RGS6: variants seen among roughly 807,000 people sequenced by gnomAD.
RGS6 encodes regulator of G protein signaling 6.
A neutral mutation model predicts 78.5 loss-of-function variants in RGS6; 30 were observed. The observed-to-expected ratio is 0.38, with a 90% CI of 0.29 to 0.52. The LOEUF (loss-of-function observed/expected upper bound fraction) is 0.52. Among genes scored for constraint, RGS6 ranks in the 20% least tolerant of loss-of-function variants. The pLI is 0.85. For missense variants in RGS6, 495 were observed against 609.7 expected, an observed-to-expected ratio of 0.81 and a Z score of 1.98; for synonymous variants, 206 against 206.0, an observed-to-expected ratio of 1.00 and a Z score of 0.00.
At chr14:71,876,254 C>T in the RGS6 span, among the ~76,000 whole-genome samples, 1 of 152,054 alleles carries the variant, frequency 6.6e-6, no homozygotes, top group African/African-American at 2.4e-5. Context: ...GTGTTAAAGT[C>T]TCCCATTATT....
intron 17 of RGS6, among the ~76,000 whole-genome samples, chr14:72,560,180 T>C (rs547647624): frequency 9.9e-4 from 150 of 152,202 alleles, no homozygotes; most frequent in African/African-American, 3.6e-3. Context: ...ACATATATAT[T>C]TGGGTACATA....
In RGS6 at chr14:71,942,493, A is replaced by G. The variant is rs530021916; in HGVS notation, c.-21+9552A>G. ...CTCATTAGAACTCTACCACCATTCT[A>G]TAAGATAGGTCCCAATTTTATGAAT... On this transcript the variant is annotated intron_variant, in intron 1 of 17. Transcript: ENST00000553525. Among the ~76,000 whole-genome samples the G allele has an allele frequency of 5.9e-5, 9 of 152,232 alleles. No individual in the cohort carries two copies. The East Asian group carries it at 1.4e-3, about 23-fold the overall frequency.
chr14:72,148,513 G>A (rs1164940009), intron 2 of RGS6, among the ~76,000 whole-genome samples: 1 of 152,218 alleles, frequency 6.6e-6, no homozygotes, highest in East Asian at 1.9e-4. Flanking sequence ...TGCCTTTGGA[G>A]AGGAGTGGTA....
At chr14:72,172,586 A>G (rs2097039258) in intron 2 of RGS6, among the ~76,000 whole-genome samples, 1 of 152,258 alleles carries the variant, frequency 6.6e-6, no homozygotes. Flanking sequence ...AATATTTTGC[A>G]ACTGCCACTA....
intron 2 of RGS6, among the ~76,000 whole-genome samples, chr14:72,204,797 T>C (rs1170659816): frequency 2.0e-5 from 3 of 152,178 alleles, no homozygotes; most frequent in Non-Finnish European, 4.4e-5. Flanking sequence ...TTTCAACATA[T>C]GAATTTCGGA....
chr14:72,204,834 A>G (rs533766094), intron 2 of RGS6, among the ~76,000 whole-genome samples: 24 of 152,190 alleles, frequency 1.6e-4, no homozygotes, highest in Non-Finnish European at 3.2e-4. Context: ...GACCTAGCAG[A>G]TGATTTTGCC....
intron 2 of RGS6, among the ~76,000 whole-genome samples, chr14:72,347,231 TG>T (rs1424731099): frequency 6.6e-6 from 1 of 152,206 alleles, no homozygotes; most frequent in Non-Finnish European, 1.5e-5. Flanking sequence ...TAGAAGGAAC[TG>T]AACAGTCAGG....
chr14:72,173,862 T>G (rs1051348202), intron 2 of RGS6, among the ~76,000 whole-genome samples: 3 of 152,170 alleles, frequency 2.0e-5, no homozygotes, highest in Non-Finnish European at 4.4e-5. Context: ...TAATTGATCC[T>G]CAGCTGCCAG....
chr14:72,355,483 C>A (rs2080081071), intron 3 of RGS6, among the ~76,000 whole-genome samples: 1 of 152,262 alleles, frequency 6.6e-6, no homozygotes, highest in South Asian at 2.1e-4. Context: ...TTACAATATA[C>A]TTGGTCATTC....
chr14:72,244,859 C>G (rs1029341470), intron 2 of RGS6, among the ~76,000 whole-genome samples: 2 of 150,600 alleles, frequency 1.3e-5, no homozygotes, highest in African/African-American at 4.9e-5. Context: ...GAGTCTCACT[C>G]TATTGCCTAG....
chr14:71,977,922 A>C (rs1296517002), intron 2 of RGS6, among the ~76,000 whole-genome samples: 1 of 151,160 alleles, frequency 6.6e-6, no homozygotes, highest in African/African-American at 2.4e-5. Context: ...ATTTGTTTGT[A>C]TCCTCTTTTA....
chr14:72,305,360 T>C (rs1327976645), intron 2 of RGS6, among the ~76,000 whole-genome samples: 1 of 152,222 alleles, frequency 6.6e-6, no homozygotes, highest in African/African-American at 2.4e-5. Context: ...CATTTTATTG[T>C]GCGTTCTTTG....
chr14:72,407,259 G>T (rs1321878214), intron 3 of RGS6, among the ~76,000 whole-genome samples: 2 of 152,200 alleles, frequency 1.3e-5, no homozygotes, highest in African/African-American at 4.8e-5. Context: ...CACACTGCCT[G>T]TGCTGAGCTG....
intron 2 of RGS6, among the ~76,000 whole-genome samples, chr14:72,019,487 G>A (rs571430284): frequency 6.6e-6 from 1 of 152,244 alleles, no homozygotes; most frequent in Middle Eastern, 3.4e-3. Context: ...AGGCAGATGG[G>A]TGCACCATTA....
intron 2 of RGS6, among the ~76,000 whole-genome samples, chr14:72,334,693 C>G (rs978689369): frequency 6.6e-6 from 1 of 152,190 alleles, no homozygotes; most frequent in African/African-American, 2.4e-5. Context: ...GTCCCTGAAA[C>G]TAGCAAGGGT....
At chr14:72,027,882 T>C (rs1327483041) in intron 2 of RGS6, among the ~76,000 whole-genome samples, 2 of 152,238 alleles carry the variant, frequency 1.3e-5, no homozygotes, top group South Asian at 4.1e-4. Flanking sequence ...TTTGCACAGT[T>C]GTGTCTTCGG....
intron 2 of RGS6, among the ~76,000 whole-genome samples, chr14:72,010,481 C>A (rs1207189258): frequency 6.6e-6 from 1 of 152,154 alleles, no homozygotes; most frequent in Admixed American, 6.5e-5. Context: ...TTATTTTAAT[C>A]TAAAGGTGTA....
chr14:72,331,970 T>C (rs1049543782), intron 2 of RGS6, among the ~76,000 whole-genome samples: 2 of 152,236 alleles, frequency 1.3e-5, no homozygotes, highest in African/African-American at 2.4e-5. Context: ...AAGAGTTAAA[T>C]GATGTGTAAA....
At chr14:72,157,459 G>A (rs2096788882) in intron 2 of RGS6, among the ~76,000 whole-genome samples, 2 of 152,236 alleles carry the variant, frequency 1.3e-5, no homozygotes, top group African/African-American at 4.8e-5. Flanking sequence ...ACTACCAGTA[G>A]CAGCAGAGGT....
Sources: allele counts gnomAD v4.1 joint callset (sites outside exome capture counted in the v4.1 genomes callset), GRCh38; gene constraint gnomAD v4.1.1; transcripts MANE v1.5; gene names NCBI Gene and HGNC (gene_info 2026-07-23, HGNC 2026-07-21).